Variants in RCOR1 observed in about 807,000 individuals in gnomAD.
RCOR1 encodes REST corepressor.
Under a neutral mutation model 64.0 loss-of-function variants are expected in RCOR1, and 12 were observed. The ratio of observed to expected loss-of-function variants is 0.19; its 90% CI spans 0.12 to 0.30. The LOEUF is 0.30. Among genes scored for constraint, RCOR1 ranks in the 10% least tolerant of loss-of-function variants. The pLI is 1.00. For missense variants in RCOR1, 502 were observed against 621.2 expected, an observed-to-expected ratio of 0.81 and a Z score of 2.04; for synonymous variants, 279 against 227.2, an observed-to-expected ratio of 1.23 and a Z score of -2.05.
intron 2 of RCOR1, chr14:102,655,188 A>G (rs1595214825): frequency 1.1e-6 from 1 of 910,590 alleles, no homozygotes; most frequent in East Asian, 1.2e-4. Flanking sequence ...ATGGTACAAA[A>G]TTAAAAGATG....
At chr14:102,618,267 G>C (rs1350734414) in intron 2 of RCOR1, among the ~76,000 whole-genome samples, 29 of 152,044 alleles carry the variant, frequency 1.9e-4, no homozygotes, top group Admixed American at 1.9e-3. Context: ...GTGAGCCACT[G>C]TGCCTGTCTG....
Position 102,728,653 on chromosome 14 carries a change from C to T in RCOR1, c.*2147C>T, listed in dbSNP as rs1393098570. 2 of 152,114 alleles carry T rather than the reference C, an allele frequency of 1.3e-5. No individual in the cohort carries two copies. The highest frequency in any genetic ancestry group is 2.9e-5 in the Non-Finnish European group (2 of 68,026). The allele number at this position is 152,114 out of a possible 1,614,324, so 9.4% of individuals were successfully genotyped here. A position where few individuals can be genotyped will look rare whatever the true frequency, so the allele number is the denominator to read the frequency against. ...AAGCTTGATGCTAATTTTTATATAG[C>T]GTGGCAAACTGACCAGCAGTGCCAG... On this transcript the variant is annotated 3_prime_UTR_variant, in exon 12 of 12. Transcript: ENST00000262241.
chr14:102,650,280 G>A (rs1894558952), intron 2 of RCOR1, among the ~76,000 whole-genome samples: 1 of 151,232 alleles, frequency 6.6e-6, no homozygotes, highest in South Asian at 2.1e-4. Context: ...AGGCTGAGGT[G>A]GGAGAATCAC....
rs984771464 is a variant in RCOR1, at chr14:102,596,850, C to T, written c.361+3525C>T. Among the ~76,000 whole-genome samples the T allele has an allele frequency of 4.7e-5, 7 of 147,942 alleles. No individual in the cohort carries two copies. In the East Asian group the frequency reaches 1.4e-3, roughly 29 times the overall value. The stretch of plus-strand genomic sequence containing the variant: ...AAAGTGCTGGGATTACAGGCGTGAA[C>T]CACTGTGACTGCCCCTCCCCCCGCC... On this transcript the variant is annotated intron_variant, in intron 2 of 11. Transcript: ENST00000262241.
At chr14:102,634,208 A>G (rs1207695240) in intron 2 of RCOR1, among the ~76,000 whole-genome samples, 2 of 152,090 alleles carry the variant, frequency 1.3e-5, no homozygotes, top group Non-Finnish European at 2.9e-5. Flanking sequence ...ATTAATCCTG[A>G]CTACAGTATA....
intron 2 of RCOR1, chr14:102,651,221 A>T (rs1595212725): frequency 4.9e-6 from 1 of 204,938 alleles, no homozygotes; most frequent in African/African-American, 2.4e-5. Context: ...GGGGTCTCAC[A>T]GCCTTCAGAG....
intron 2 of RCOR1, among the ~76,000 whole-genome samples, chr14:102,676,210 C>G (rs1895147075): frequency 6.6e-6 from 1 of 150,610 alleles, no homozygotes; most frequent in South Asian, 2.1e-4. Context: ...TGGCCCATCC[C>G]CAATGAGCCG....
chr14:102,718,825 G>T (rs1896119878), intron 8 of RCOR1, among the ~76,000 whole-genome samples: 1 of 152,068 alleles, frequency 6.6e-6, no homozygotes, highest in African/African-American at 2.4e-5. Flanking sequence ...ATCTTGCTCT[G>T]TTGTCCATCC....
intron 2 of RCOR1, among the ~76,000 whole-genome samples, chr14:102,634,636 G>GTA (rs761011160): frequency 0.024 from 3,400 of 141,254 alleles, 58 homozygotes; most frequent in African/African-American, 0.041. Flanking sequence ...GTGTATGTGT[G>GTA]TATATATATA....
chr14:102,617,147 G>T (rs531101381), intron 2 of RCOR1, among the ~76,000 whole-genome samples: 1 of 152,296 alleles, frequency 6.6e-6, no homozygotes, highest in South Asian at 2.1e-4. Flanking sequence ...AAACAGTGCA[G>T]ATGAGAACAA....
Position 102,726,604 on chromosome 14 carries a change from G to T in RCOR1, c.*98G>T. 9.5e-7 allele frequency: 1 copy of T among 1,051,416 alleles called. No individual in the cohort carries two copies. The highest frequency in any genetic ancestry group is 2.4e-5 in the East Asian group (1 of 41,862). 65.1% of individuals were successfully genotyped at this position (1,051,416 alleles called of 1,614,324 possible). A position where few individuals can be genotyped will look rare whatever the true frequency, so the allele number is the denominator to read the frequency against. ...CTAGCCATCTGCATCACATCTCTCT[G>T]GACAAGCAGCTATTACCAAAAAAGG... On this transcript the variant is annotated 3_prime_UTR_variant, in exon 12 of 12. Coordinates refer to ENST00000262241, the MANE Select transcript of RCOR1 (RefSeq NM_015156.4).
intron 2 of RCOR1, chr14:102,657,179 T>C (rs1443856394): frequency 1.0e-6 from 1 of 985,246 alleles, no homozygotes; most frequent in South Asian, 4.7e-5. Flanking sequence ...AAAATATTTT[T>C]GAGGATATCT....
intron 2 of RCOR1, among the ~76,000 whole-genome samples, chr14:102,621,711 AAATG>A (rs1161072472): frequency 3.0e-5 from 1 of 33,804 alleles, no homozygotes; most frequent in Non-Finnish European, 1.2e-4. Flanking sequence ...AAAATCACTT[AAATG>A]AATGAATGAG....
chr14:102,669,157 A>C (rs1374173253), intron 2 of RCOR1, among the ~76,000 whole-genome samples: 1 of 152,088 alleles, frequency 6.6e-6, no homozygotes, highest in African/African-American at 2.4e-5. Context: ...TAAAAATACA[A>C]AATTAGCCAG....
chr14:102,650,964 A>G (rs1209858118), intron 2 of RCOR1: 4 of 821,416 alleles, frequency 4.9e-6, no homozygotes, highest in Non-Finnish European at 4.4e-6. Context: ...GTATTAGACA[A>G]TGAGACTTAG....
intron 11 of RCOR1, among the ~76,000 whole-genome samples, chr14:102,725,629 G>C (rs181588422): frequency 9.2e-5 from 14 of 152,114 alleles, no homozygotes; most frequent in African/African-American, 2.9e-4. Flanking sequence ...AGCAAGTGGA[G>C]TGCAGTGGTA....
intron 2 of RCOR1, among the ~76,000 whole-genome samples, chr14:102,625,913 C>G (rs1347622895): frequency 6.6e-6 from 1 of 152,160 alleles, no homozygotes; most frequent in East Asian, 1.9e-4. Flanking sequence ...GACCCTAATC[C>G]TTCCGATACC....
chr14:102,658,535 A>G (rs1894771009), intron 2 of RCOR1: 1 of 985,342 alleles, frequency 1.0e-6, no homozygotes, highest in Non-Finnish European at 1.2e-6. Flanking sequence ...AATTATGGAA[A>G]GTTTTTAGAA....
At chr14:102,725,385 A>G (rs561544247) in intron 11 of RCOR1, among the ~76,000 whole-genome samples, 62 of 152,224 alleles carry the variant, frequency 4.1e-4, no homozygotes, top group African/African-American at 1.3e-3. Context: ...AGTCCTTTTT[A>G]AAAAATGGGA....
Sources: allele counts gnomAD v4.1 joint callset (sites outside exome capture counted in the v4.1 genomes callset), GRCh38; gene constraint gnomAD v4.1.1; transcripts MANE v1.5; gene names NCBI Gene and HGNC (gene_info 2026-07-23, HGNC 2026-07-21).